Variants in MYBPC3 observed in about 807,000 individuals in gnomAD.
The protein encoded by MYBPC3 is myosin-binding protein C, cardiac-type.
In MYBPC3, 108 loss-of-function variants were observed where a neutral mutation model predicts 159.3. The ratio of observed to expected loss-of-function variants is 0.68; its 90% CI spans 0.58 to 0.80. The LOEUF is 0.80. MYBPC3 is among the 30% of genes least tolerant of loss of function. The pLI is 0.00. For missense variants in MYBPC3, 1,631 were observed against 1,762.1 expected (o/e 0.93, Z 1.33); for synonymous variants, 730 against 702.0 (o/e 1.04, Z -0.63).
rs376344765 is a variant in MYBPC3, at chr11:47,333,248, G to A, written c.3276C>T (p.Val1092=). The A allele has an allele frequency of 3.5e-5, 56 of 1,586,518 alleles. No homozygotes were observed. In the African/African-American group the frequency reaches 4.8e-4, roughly 14 times the overall value. The change falls in exon 30 of 35, where the codon GTC becomes GTT. Residue 1092 remains valine (V), a synonymous_variant. Transcript: ENST00000545968. ...TGTACCCCCAGAGCTCCGTGTTGCC[G>A]ACATCCTGGGGTGGCTTCCACTCCA... ...VALEWKPPQD[V]GNTELWGYTV...
chr11:47,349,950 C>T (rs753843494), intron 4 of MYBPC3, 28 bp from the exon 5 acceptor site: 24 of 1,576,490 alleles, frequency 1.5e-5, no homozygotes, highest in Non-Finnish European at 2.1e-5. Flanking sequence ...ACAGGCCCGG[C>T]TTGGGGAGTG....
Position 47,336,009 on chromosome 11 carries a change from G to T in MYBPC3, c.2605C>A (p.Pro869Thr). 1 of 1,517,868 alleles carries T rather than the reference G, an allele frequency of 6.6e-7. No homozygotes were observed. Among genetic ancestry groups the T allele is most frequent in the Non-Finnish European group, 8.8e-7 (1 of 1,130,932 alleles). The allele number at this position is 1,517,868 out of a possible 1,614,324, so 94.0% of individuals were successfully genotyped here. A position where few individuals can be genotyped will look rare whatever the true frequency, so the allele number is the denominator to read the frequency against. Residue 869 changes from proline to threonine, a missense_variant and splice_region_variant, in exon 26 of 35, where the codon CCC becomes ACC. Pro to Thr is a conservative substitution (Grantham distance 38, BLOSUM62 -1). Coordinates refer to ENST00000545968, the MANE Select transcript of MYBPC3 (RefSeq NM_000256.3). ...GCCAGGTGGGTGGGTTCGCTGGGGG[G>T]ACCTGGGCAGAGGAGAGGTCAGAGA... ...PASQPFMPIG[P>T]PSEPTHLAVE...
At chr11:47,331,801 G>T in intron 34 of MYBPC3, 44 bp downstream of exon 34, 2 of 1,564,740 alleles carry the variant, frequency 1.3e-6, no homozygotes, top group Non-Finnish European at 1.7e-6. Flanking sequence ...CAAGGGCCAG[G>T]GCTCAGCCAC....
At chr11:47,347,611 G>A (rs930929629) in intron 8 of MYBPC3, 40 bp downstream of exon 8, 3 of 1,566,474 alleles carry the variant, frequency 1.9e-6, no homozygotes, top group African/African-American at 2.7e-5. Flanking sequence ...GACCCCTGGG[G>A]GTCTGCGGAT....
intron 12 of MYBPC3, among the ~76,000 whole-genome samples, chr11:47,345,234 G>A (rs1196647068): frequency 1.3e-5 from 2 of 152,216 alleles, no homozygotes; most frequent in South Asian, 2.1e-4. Flanking sequence ...CAGCAGTTCA[G>A]GAGTTAACCC....
chr11:47,341,110 G>A (rs371061561), intron 19 of MYBPC3, 28 bp downstream of exon 19: 425 of 1,211,922 alleles, frequency 3.5e-4, no homozygotes, highest in Non-Finnish European at 4.4e-4. Context: ...CCACTGCCCC[G>A]ACCCACCCTA....
At chr11:47,333,096 G>A in intron 30 of MYBPC3, 98 bp downstream of exon 30, 1 of 1,523,400 alleles carries the variant, frequency 6.6e-7, no homozygotes, top group Non-Finnish European at 8.8e-7. Flanking sequence ...GCAGAGGGAG[G>A]GTGAGGGGTC....
rs2095878456 is a variant in MYBPC3 at position 47,332,784 on chromosome 11, C to A, written c.3490+30G>T. ...TGTTCCCACAGCCTCCCTGCCCCAG[C>A]CCCTGGTTGGAAGAATGAGGGTACA... On this transcript the variant is annotated intron_variant, in intron 31 of 34. Coordinates refer to ENST00000545968, the MANE Select transcript of MYBPC3 (RefSeq NM_000256.3). The surrounding 1 kb of genome is among the most constrained non-coding windows in gnomAD (Gnocchi z 4.2). The A allele has an allele frequency of 6.3e-7, 1 of 1,592,096 alleles. No individual in the cohort carries two copies. The highest frequency in any genetic ancestry group is 8.6e-7 in the Non-Finnish European group (1 of 1,168,624).
In MYBPC3 at chr11:47,350,264, G is replaced by C. The variant is rs540721694; in HGVS notation, c.407-152C>G. ...TCAGCCTCCCAAGTTAGCTGGGACC[G>C]CAGGTGCCCGCCACCACGCCCGGCT... On this transcript the variant is annotated intron_variant, in intron 3 of 34. Coordinates refer to ENST00000545968, the MANE Select transcript of MYBPC3 (RefSeq NM_000256.3). Among the ~76,000 whole-genome samples, 6 of 150,370 alleles carry C rather than the reference G, an allele frequency of 4.0e-5. No homozygotes were observed. The East Asian group carries it at 7.8e-4, about 20-fold the overall frequency.
chr11:47,351,717 C>G lies in MYBPC3; in HGVS notation c.26-212G>C, dbSNP rs1014338791. ...GCTAAGCGGCTCCTCCAAGATCACA[C>G]AGCTAGCAGTCGGGAGAGCCAGGGC... On this transcript the variant is annotated intron_variant, in intron 1 of 34. Transcript: ENST00000545968. This position sits in a 1 kb window ranked among gnomAD's most constrained non-coding sequence, Gnocchi z 4.2. 2.6e-5 allele frequency among the ~76,000 whole-genome samples: 4 copies of G among 152,236 alleles called. No individual in the cohort carries two copies. Among genetic ancestry groups the G allele is most frequent in the Non-Finnish European group, 5.9e-5 (4 of 68,042 alleles).
Position 47,352,607 on chromosome 11 carries a change from C to G in MYBPC3, c.25+16G>C. 6.2e-7 allele frequency: 1 copy of G among 1,602,912 alleles called. No individual in the cohort carries two copies. Among genetic ancestry groups the G allele is most frequent in the Non-Finnish European group, 8.5e-7 (1 of 1,174,672 alleles). ...CCTGCTCCCACACTTAGACCCAACC[C>G]CAGTCCTAAAGCTACCTGGCTTCTT... is the stretch of plus-strand genomic sequence containing the variant. On this transcript the variant is annotated intron_variant, in intron 1 of 34. Coordinates refer to ENST00000545968, the MANE Select transcript of MYBPC3 (RefSeq NM_000256.3).
At position 47,337,534 on chromosome 11, in the gene MYBPC3, C is replaced by G. The variant is rs2856655; in HGVS notation, c.2459G>C (p.Arg820Pro). 6.2e-7 allele frequency: 1 copy of G among 1,613,980 alleles called. No homozygotes were observed. Among genetic ancestry groups the G allele is most frequent in the Non-Finnish European group, 8.5e-7 (1 of 1,179,898 alleles). Reference sequence around the variant, plus strand: ...CTCCTGAATCAGGTCGAAGTTCAGCCGCATCCACCGGTAGCTCTTCTTCTT... The same window carrying G: ...CTCCTGAATCAGGTCGAAGTTCAGCGGCATCCACCGGTAGCTCTTCTTCTT... ...RKKKKSYRWMRLNFDLIQELS... is the reference protein window; with the variant it reads ...RKKKKSYRWMPLNFDLIQELS... Residue 820 changes from arginine (R) to proline (P), a missense_variant, in exon 25 of 35, where the codon CGG (arginine) becomes CCG (proline). Arg to Pro is a moderately radical substitution (Grantham distance 103). Coordinates refer to ENST00000545968, the MANE Select transcript of MYBPC3 (RefSeq NM_000256.3).
chr11:47,335,959 C>A lies in MYBPC3; in HGVS notation c.2655G>T (p.Thr885=), dbSNP rs769996102. 1 of 1,563,234 alleles carries A rather than the reference C, an allele frequency of 6.4e-7. No individual in the cohort carries two copies. Among genetic ancestry groups the A allele is most frequent in the Non-Finnish European group, 8.7e-7 (1 of 1,155,976 alleles). The change falls in exon 26 of 35, where the codon ACG becomes ACT. Residue 885 remains threonine, a synonymous_variant. Transcript: ENST00000545968. ...HLAVEDVSDT[T]VSLKWRPPER... ...CTGGGGGCCGCCACTTGAGGGAGAC[C>A]GTGGTGTCAGAGACGTCCTCTACTG...
At position 47,332,231 on chromosome 11, in the gene MYBPC3, G is replaced by C. The variant is rs1478902274; in HGVS notation, c.3655C>G (p.Leu1219Val). The change falls in exon 33 of 35, where the codon CTG becomes GTG. Residue 1219 changes from leucine (L) to valine (V), a missense_variant. Coordinates refer to ENST00000545968, the MANE Select transcript of MYBPC3 (RefSeq NM_000256.3). The surrounding 1 kb of genome is among the most constrained non-coding windows in gnomAD (Gnocchi z 4.2). ...KPKISWFKNGLDLGEDARFRM... is the reference protein window; with the variant it reads ...KPKISWFKNGVDLGEDARFRM... Reference sequence around the variant, plus strand: ...AAGCGGGCGTCTTCTCCCAGGTCCAGGCCATTCTTGAACCAGGAAATCTTG... The same window carrying C: ...AAGCGGGCGTCTTCTCCCAGGTCCACGCCATTCTTGAACCAGGAAATCTTG... 6.2e-7 allele frequency: 1 copy of C among 1,613,832 alleles called. No homozygotes were observed. The highest frequency in any genetic ancestry group is 2.2e-5 in the East Asian group (1 of 44,890).
rs1565626231 is a variant in MYBPC3 at position 47,339,355 on chromosome 11, C to T, written c.2117G>A (p.Gly706Asp). 1 of 1,614,056 alleles carries T rather than the reference C, an allele frequency of 6.2e-7. No individual in the cohort carries two copies. Among genetic ancestry groups the T allele is most frequent in the Non-Finnish European group, 8.5e-7 (1 of 1,179,896 alleles). ...RPAPDAPEDTGDSDEWVFDKK... is the reference protein window; with the variant it reads ...RPAPDAPEDTDDSDEWVFDKK... The stretch of plus-strand genomic sequence containing the variant: ...GTCAAACACCCACTCATCGCTGTCA[C>T]CTGTGTCCTCTGGGGCATCTGGGGC... Residue 706 changes from glycine to aspartate, a missense_variant, in exon 22 of 35, where the codon GGT (glycine) becomes GAT (aspartate). Transcript: ENST00000545968.
Position 47,351,531 on chromosome 11 carries a change from C to A in MYBPC3, c.26-26G>T, listed in dbSNP as rs777081710. Reference sequence around the variant, plus strand: ...CTGAAGGGCCAGGTGGAGGCTACAGCGGCCCCTGGTTGGAGCGTGCACCCC... The same window carrying A: ...CTGAAGGGCCAGGTGGAGGCTACAGAGGCCCCTGGTTGGAGCGTGCACCCC... On this transcript the variant is annotated intron_variant, in intron 1 of 34. Transcript: ENST00000545968. This position sits in a 1 kb window ranked among gnomAD's most constrained non-coding sequence, Gnocchi z 4.2. 6 of 1,556,812 alleles carry A rather than the reference C, an allele frequency of 3.9e-6. No homozygotes were observed. The highest frequency in any genetic ancestry group is 2.3e-5 in the East Asian group (1 of 43,824).
rs957424298 is a variant in MYBPC3, at chr11:47,338,741, G to A, written c.2149-62C>T. On this transcript the variant is annotated intron_variant, in intron 22 of 34. Transcript: ENST00000545968. The surrounding 1 kb of genome is among the most constrained non-coding windows in gnomAD (Gnocchi z 4.7). ...GACCCCAGAGGCCCTTGCAGCCTCC[G>A]CCAACAGCCAGATGTCCCGGGGGTC... 14 of 1,507,566 alleles carry A rather than the reference G, an allele frequency of 9.3e-6. No individual in the cohort carries two copies. The highest frequency in any genetic ancestry group is 2.8e-5 in the African/African-American group (2 of 72,676). The allele number at this position is 1,507,566 out of a possible 1,614,324, so 93.4% of individuals were successfully genotyped here.
chr11:47,351,189 G>GGGGCCCCC lies in MYBPC3; in HGVS notation c.292+49_292+50insGGGGGCCC. ...TGGATGGATGGAGAGTCGCTGGGCTGCCCCTCCCCCAGCAGCCCAAACCTC... is the reference window on the plus strand; with the variant it reads ...TGGATGGATGGAGAGTCGCTGGGCTGGGGCCCCCCCCCTCCCCCAGCAGCCCAAACCTC... On this transcript the variant is annotated intron_variant, in intron 2 of 34. Coordinates refer to ENST00000545968, the MANE Select transcript of MYBPC3 (RefSeq NM_000256.3). This position sits in a 1 kb window ranked among gnomAD's most constrained non-coding sequence, Gnocchi z 4.2. The GGGGCCCCC allele has an allele frequency of 3.5e-6, 5 of 1,449,080 alleles. No homozygotes were observed. Among genetic ancestry groups the GGGGCCCCC allele is most frequent in the Non-Finnish European group, 3.7e-6 (4 of 1,087,838 alleles). 89.8% of individuals were successfully genotyped at this position (1,449,080 alleles called of 1,614,324 possible). A position where few individuals can be genotyped will look rare whatever the true frequency, so the allele number is the denominator to read the frequency against.
At chr11:47,333,475 G>A (rs3729800) in intron 29 of MYBPC3, 82 bp downstream of exon 29, 3 of 1,561,642 alleles carry the variant, frequency 1.9e-6, no homozygotes, top group Non-Finnish European at 1.7e-6. Flanking sequence ...TGTGGGTTGG[G>A]TCCCCTGGCC....
Sources: allele counts gnomAD v4.1 joint callset (sites outside exome capture counted in the v4.1 genomes callset), GRCh38; gene constraint gnomAD v4.1.1; non-coding constraint Gnocchi (gnomAD v3.1); transcripts MANE v1.5; gene names NCBI Gene and HGNC (gene_info 2026-07-23, HGNC 2026-07-21).